KRT39: variants seen among roughly 807,000 people sequenced by gnomAD.
KRT39 encodes the protein keratin 39.
A neutral mutation model predicts 54.8 loss-of-function variants in KRT39; 47 were observed. That is an observed-to-expected ratio of 0.86 (90% CI 0.68 to 1.09). KRT39 has a LOEUF of 1.09. Ranked by LOEUF, KRT39 falls within the 50% of genes least tolerant of loss-of-function variation. KRT39 has a pLI of 0.00. For synonymous variants in KRT39, 207 were observed against 227.9 expected, an observed-to-expected ratio of 0.91 and a Z score of 0.83; for missense variants, 580 against 598.5, an observed-to-expected ratio of 0.97 and a Z score of 0.32.
intron 1 of KRT39, among the ~76,000 whole-genome samples, chr17:40,965,256 G>A (rs910421635): frequency 1.3e-5 from 2 of 151,234 alleles, no homozygotes; most frequent in Admixed American, 1.3e-4. Flanking sequence ...CGTGCCTGTA[G>A]ACCCAGCTAC....
Position 40,966,926 on chromosome 17 carries a change from A to G in KRT39, c.-70T>C, listed in dbSNP as rs1474371337. 7.3e-6 allele frequency: 8 copies of G among 1,101,932 alleles called. No individual in the cohort carries two copies. Among genetic ancestry groups the G allele is most frequent in the Admixed American group, 3.7e-5 (2 of 54,598 alleles). 68.3% of individuals were successfully genotyped at this position (1,101,932 alleles called of 1,614,324 possible). On this transcript the variant is annotated 5_prime_UTR_variant, in exon 1 of 7. Transcript: ENST00000355612. Reference sequence around the variant, plus strand: ...GATGAAAAGCTCAAGCCACCTCCACAGAGTCTGAATTCCAAGGCTCTTGGT... The same window carrying G: ...GATGAAAAGCTCAAGCCACCTCCACGGAGTCTGAATTCCAAGGCTCTTGGT...
chr17:40,963,658 T>A lies in KRT39; in HGVS notation c.677A>T (p.Glu226Val). Residue 226 changes from glutamate to valine, a missense_variant, in exon 3 of 7, where the codon GAG becomes GTG. Coordinates refer to ENST00000355612, the MANE Select transcript of KRT39 (RefSeq NM_213656.4). ...GTGGTTGTTCTTGAGGCAAAGGAGC[T>A]CCTCTTTCAGAGACTGGACTTGTGC... is the stretch of plus-strand genomic sequence containing the variant. ...LEAQVQSLKEELLCLKNNHKE... is the reference protein window; with the variant it reads ...LEAQVQSLKEVLLCLKNNHKE... The A allele has an allele frequency of 6.2e-7, 1 of 1,608,994 alleles. No homozygotes were observed. The highest frequency in any genetic ancestry group is 8.5e-7 in the Non-Finnish European group (1 of 1,176,018).
chr17:40,965,794 C>G (rs1911363202), intron 1 of KRT39, among the ~76,000 whole-genome samples: 1 of 152,156 alleles, frequency 6.6e-6, no homozygotes, highest in Non-Finnish European at 1.5e-5. Context: ...AAAATGGCAA[C>G]AACTTGCTGT....
At chr17:40,964,405 G>A in intron 2 of KRT39, 41 bp downstream of exon 2, 2 of 1,562,884 alleles carry the variant, frequency 1.3e-6, no homozygotes, top group Non-Finnish European at 1.8e-6. Context: ...GTCAGACTCA[G>A]GGTGAGCTCT....
rs1303678872 is a variant in KRT39, at chr17:40,960,714, T to C, written c.997-213A>G. 3.1e-5 allele frequency: 18 copies of C among 581,542 alleles called. No individual in the cohort carries two copies. In the East Asian group the frequency reaches 5.1e-4, roughly 16 times the overall value. 36.0% of individuals were successfully genotyped at this position (581,542 alleles called of 1,614,324 possible). A position where few individuals can be genotyped will look rare whatever the true frequency, so the allele number is the denominator to read the frequency against. On this transcript the variant is annotated intron_variant, in intron 5 of 6. Coordinates refer to ENST00000355612, the MANE Select transcript of KRT39 (RefSeq NM_213656.4). Reference sequence around the variant, plus strand: ...TTTATCTCTTCCCTCTTTCTCTCTTTCTCTTTTTGCTTCTCTGTAAGTATT... The same window carrying C: ...TTTATCTCTTCCCTCTTTCTCTCTTCCTCTTTTTGCTTCTCTGTAAGTATT...
chr17:40,961,891 T>C (rs1414354113), intron 5 of KRT39, among the ~76,000 whole-genome samples: 3 of 152,174 alleles, frequency 2.0e-5, no homozygotes, highest in Non-Finnish European at 4.4e-5. Context: ...CAAATAAGTT[T>C]TGGAATGCTG....
At chr17:40,961,422 A>AGGTC (rs1461206943) in intron 5 of KRT39, among the ~76,000 whole-genome samples, 7 of 152,214 alleles carry the variant, frequency 4.6e-5, no homozygotes, top group Non-Finnish European at 8.8e-5. Context: ...ATGTTGTCCA[A>AGGTC]GGTCACATGA....
chr17:40,963,837 A>G (rs1411319294), intron 2 of KRT39, 54 bp from the exon 3 acceptor site: 1 of 1,445,242 alleles, frequency 6.9e-7, no homozygotes, highest in Non-Finnish European at 9.5e-7. Context: ...GATGCAAACC[A>G]AGCCAAGCAG....
At chr17:40,961,903 A>C (rs1242200924) in intron 5 of KRT39, among the ~76,000 whole-genome samples, 1 of 152,226 alleles carries the variant, frequency 6.6e-6, no homozygotes, top group East Asian at 1.9e-4. Context: ...GGAATGCTGA[A>C]TACCATATAC....
rs1388116564 is a variant in KRT39, at chr17:40,958,623, A to G, written c.1454T>C (p.Ile485Thr). ...ATGTTAGACTTTGGCAGGTCTGATGATGAAACAAGGCTGCACATGCTCGTA... is the reference window on the plus strand; with the variant it reads ...ATGTTAGACTTTGGCAGGTCTGATGGTGAAACAAGGCTGCACATGCTCGTA... ...SSYEHVQPCF[I>T]IRPAKV The change falls in exon 7 of 7, where the codon ATC becomes ACC. Residue 485 changes from isoleucine to threonine, a missense_variant. By Grantham distance (89) the Ile-to-Thr change is moderately conservative (BLOSUM62 -1). Coordinates refer to ENST00000355612, the MANE Select transcript of KRT39 (RefSeq NM_213656.4). 3 of 1,611,094 alleles carry G rather than the reference A, an allele frequency of 1.9e-6. No individual in the cohort carries two copies. Among genetic ancestry groups the G allele is most frequent in the Non-Finnish European group, 2.5e-6 (3 of 1,178,546 alleles).
chr17:40,963,732 G>T lies in KRT39; in HGVS notation c.603C>A (p.Gly201=), dbSNP rs966452388. Residue 201 remains glycine (G), a synonymous_variant, in exon 3 of 7, where the codon GGC becomes GGA. Transcript: ENST00000355612. The part of the protein sequence containing the change: ...LRQLVESDAN[G]LKQILNVLTL... ...TCAGCACATTCAGGATCTGCTTGAG[G>T]CCATTGGCATCTGACTCTACCAGCT... The T allele has an allele frequency of 4.4e-6, 7 of 1,608,658 alleles. No homozygotes were observed. The highest frequency in any genetic ancestry group is 1.7e-5 in the Admixed American group (1 of 59,970).
Position 40,958,717 on chromosome 17 carries a change from G to C in KRT39, c.1360C>G (p.Leu454Val). The C allele has an allele frequency of 6.2e-7, 1 of 1,614,122 alleles. No individual in the cohort carries two copies. Among genetic ancestry groups the C allele is most frequent in the South Asian group, 1.1e-5 (1 of 91,064 alleles). ...CAAATTTTAACCAGTATCCGGGACAGGGGTCCGCAGGCACTGCAGTGCTCC... is the reference window on the plus strand; with the variant it reads ...CAAATTTTAACCAGTATCCGGGACACGGGTCCGCAGGCACTGCAGTGCTCC... ...LKEHCSACGP[L>V]SRILVKICTI... Residue 454 changes from leucine (L) to valine (V), a missense_variant, in exon 7 of 7, where the codon CTG (leucine) becomes GTG (valine). Leu to Val is a conservative substitution (Grantham distance 32). Transcript: ENST00000355612.
At position 40,964,493 on chromosome 17, in the gene KRT39, G is replaced by T. The variant is rs771482736; in HGVS notation, c.504C>A (p.Val168=). 1 of 1,614,072 alleles carries T rather than the reference G, an allele frequency of 6.2e-7. No individual in the cohort carries two copies. Among genetic ancestry groups the T allele is most frequent in the Non-Finnish European group, 8.5e-7 (1 of 1,179,962 alleles). ...LCTKAENSRL[V]SQIDNTKLTA... ...TCAGTTTGGTGTTGTCAATTTGCGAGACCAGTCTGGAATTCTCGGCCTTGG... is the reference window on the plus strand; with the variant it reads ...TCAGTTTGGTGTTGTCAATTTGCGATACCAGTCTGGAATTCTCGGCCTTGG... The change falls in exon 2 of 7, where the codon GTC becomes GTA. Residue 168 remains valine (V), a synonymous_variant. Coordinates refer to ENST00000355612, the MANE Select transcript of KRT39 (RefSeq NM_213656.4).
At chr17:40,965,340 C>T (rs1367176796) in intron 1 of KRT39, among the ~76,000 whole-genome samples, 1 of 152,044 alleles carries the variant, frequency 6.6e-6, no homozygotes, top group African/African-American at 2.4e-5. Flanking sequence ...CGCGCCATTG[C>T]ACTCCAGCCT....
In KRT39 at chr17:40,966,880, T is replaced by TGCCTGGACCACA; in HGVS notation, c.-25_-24insTGTGGTCCAGGC. On this transcript the variant is annotated 5_prime_UTR_variant, in exon 1 of 7. It adds an upstream start codon to the 5' untranslated region. Transcript: ENST00000355612. Reference sequence around the variant, plus strand: ...ATAGTATGTGTCTGGCTTTAGTTTGTTCCAGGTCTGTGGTCACCAGGATGA... The same window carrying TGCCTGGACCACA: ...ATAGTATGTGTCTGGCTTTAGTTTGTGCCTGGACCACATCCAGGTCTGTGGTCACCAGGATGA... 6.8e-7 allele frequency: 1 copy of TGCCTGGACCACA among 1,464,176 alleles called. No homozygotes were observed. Among genetic ancestry groups the TGCCTGGACCACA allele is most frequent in the Admixed American group, 1.9e-5 (1 of 51,956 alleles). The allele number at this position is 1,464,176 out of a possible 1,614,324, so 90.7% of individuals were successfully genotyped here.
In KRT39 at chr17:40,966,887, T is replaced by C. The variant is rs1431742825; in HGVS notation, c.-31A>G. On this transcript the variant is annotated 5_prime_UTR_variant, in exon 1 of 7. Transcript: ENST00000355612. ...GTGTCTGGCTTTAGTTTGTTCCAGG[T>C]CTGTGGTCACCAGGATGAAAAGCTC... The C allele has an allele frequency of 6.6e-7, 1 of 1,507,610 alleles. No homozygotes were observed. Among genetic ancestry groups the C allele is most frequent in the South Asian group, 1.1e-5 (1 of 87,382 alleles). The allele number at this position is 1,507,610 out of a possible 1,614,324, so 93.4% of individuals were successfully genotyped here. A position where few individuals can be genotyped will look rare whatever the true frequency, so the allele number is the denominator to read the frequency against.
At chr17:40,964,653 T>C in intron 1 of KRT39, 125 bp from the exon 2 acceptor site, 1 of 669,358 alleles carries the variant, frequency 1.5e-6, no homozygotes, top group Non-Finnish European at 2.7e-6. Flanking sequence ...TTAATCTTCA[T>C]AGCTATGCTC....
At chr17:40,960,234 G>A (rs577488832) in intron 6 of KRT39, 47 bp downstream of exon 6, 93 of 1,540,144 alleles carry the variant, frequency 6.0e-5, no homozygotes, top group East Asian at 5.6e-4. Context: ...ATATATCTGC[G>A]TTCATTTACA....
rs1911409783 is a variant in KRT39 at position 40,966,605 on chromosome 17, G to A, written c.252C>T (p.Asp84=). The A allele has an allele frequency of 6.2e-7, 1 of 1,614,098 alleles. No homozygotes were observed. The highest frequency in any genetic ancestry group is 1.1e-5 in the South Asian group (1 of 91,090). Reference sequence around the variant, plus strand: ...TGATGCCTTCACCATACCAGCTGCAGTCATCCAGAGAAAAACGGGCATTGA... The same window carrying A: ...TGATGCCTTCACCATACCAGCTGCAATCATCCAGAGAAAAACGGGCATTGA... ...NNFNARFSLD[D]CSWYGEGINS... The change falls in exon 1 of 7, where the codon GAC becomes GAT. Residue 84 remains aspartate (D), a synonymous_variant. Transcript: ENST00000355612.
Sources: allele counts gnomAD v4.1 joint callset (sites outside exome capture counted in the v4.1 genomes callset), GRCh38; gene constraint gnomAD v4.1.1; transcripts MANE v1.5; gene names NCBI Gene and HGNC (gene_info 2026-07-23, HGNC 2026-07-21).